Variants in LRTM3 observed in about 807,000 individuals in gnomAD.
The protein encoded by LRTM3 is leucine rich repeat transmembrane protein 3.
chr13:102,735,267 CCTTCT>C, the LRTM3 span: 1 of 1,551,262 alleles, frequency 6.4e-7, no homozygotes, highest in East Asian at 2.4e-5. Context: ...TTTTCTCTAT[CCTTCT>C]CTTCTTTCTG....
the LRTM3 span, chr13:102,735,188 A>G: frequency 1.5e-5 from 24 of 1,551,180 alleles, no homozygotes; most frequent in African/African-American, 3.0e-4. Context: ...GTGCGTATGT[A>G]AGACAGGCGA....
the LRTM3 span, chr13:102,747,726 T>G: frequency 6.4e-7 from 1 of 1,551,222 alleles, no homozygotes. Flanking sequence ...TCTGTAGGTC[T>G]ATCTGTGCTT....
chr13:102,730,677 G>T, the LRTM3 span: 1 of 1,551,868 alleles, frequency 6.4e-7, no homozygotes, highest in Non-Finnish European at 8.7e-7. Context: ...GAAATATGTT[G>T]TTCTAACAGT....
chr13:102,729,461 A>G, the LRTM3 span: 1 of 1,453,136 alleles, frequency 6.9e-7, no homozygotes, highest in Non-Finnish European at 9.1e-7. Flanking sequence ...TCAGCTATGA[A>G]AAACGGTAGT....
At chr13:102,751,355 ACAC>A in the LRTM3 span, among the ~76,000 whole-genome samples, 3 of 112,082 alleles carry the variant, frequency 2.7e-5, no homozygotes, top group Non-Finnish European at 5.7e-5. Flanking sequence ...ACACACACAC[ACAC>A]ACACACACAC....
the LRTM3 span, chr13:102,749,905 C>G: frequency 1.3e-6 from 2 of 1,551,380 alleles, no homozygotes; most frequent in Non-Finnish European, 1.7e-6. Context: ...TGCTCCCTAA[C>G]TTAGTTTTGG....
chr13:102,749,650 C>T, the LRTM3 span: 46 of 1,551,256 alleles, frequency 3.0e-5, no homozygotes, highest in African/African-American at 2.7e-4. Context: ...TAGAAAATGG[C>T]TTCTTCATCA....
the LRTM3 span, chr13:102,737,765 GTC>G: frequency 6.4e-7 from 1 of 1,550,474 alleles, no homozygotes; most frequent in African/African-American, 1.4e-5. Context: ...TTTTTTCCCT[GTC>G]TCTGATGATT....
the LRTM3 span, among the ~76,000 whole-genome samples, chr13:102,753,494 T>TAA: frequency 4.8e-5 from 6 of 124,452 alleles, no homozygotes; most frequent in African/African-American, 1.7e-4. Context: ...AAAGTAAAAT[T>TAA]AAAAAAAAAA....
At chr13:102,732,200 T>C in the LRTM3 span, 1 of 1,551,408 alleles carries the variant, frequency 6.4e-7, no homozygotes, top group Non-Finnish European at 8.7e-7. Flanking sequence ...GATTCTCTTT[T>C]CTCTTTCTAG....
the LRTM3 span, chr13:102,732,761 T>C: frequency 6.4e-7 from 1 of 1,551,378 alleles, no homozygotes; most frequent in Non-Finnish European, 8.7e-7. Context: ...TTTCTCTTCT[T>C]GCAGATGTAA....
the LRTM3 span, chr13:102,740,134 T>C: frequency 3.2e-6 from 5 of 1,548,040 alleles, no homozygotes; most frequent in Non-Finnish European, 3.5e-6. Flanking sequence ...TTTGTGTTTC[T>C]ATCTTCTTCC....
At chr13:102,743,830 TTC>T in the LRTM3 span, 6 of 1,550,338 alleles carry the variant, frequency 3.9e-6, no homozygotes, top group African/African-American at 6.9e-5. Context: ...TGAATATAAT[TTC>T]TTTTTCTGAT....
the LRTM3 span, chr13:102,734,384 T>C: frequency 6.4e-7 from 1 of 1,551,248 alleles, no homozygotes; most frequent in Admixed American, 2.0e-5. Flanking sequence ...CAGTTTAAGG[T>C]TAGATGGCAA....
the LRTM3 span, chr13:102,729,484 G>A: frequency 2.1e-6 from 3 of 1,461,298 alleles, no homozygotes; most frequent in Admixed American, 2.8e-5. Flanking sequence ...GGGACCCCGA[G>A]AGCGACCCCA....
At chr13:102,735,865 A>G in the LRTM3 span, 1 of 1,541,246 alleles carries the variant, frequency 6.5e-7, no homozygotes, top group Non-Finnish European at 8.8e-7. Flanking sequence ...GAGGGAATGA[A>G]GCAGATTTCC....
chr13:102,746,631 C>T, the LRTM3 span: 1 of 1,551,200 alleles, frequency 6.4e-7, no homozygotes. Context: ...GTTGTGAGTG[C>T]AAATGTTACT....
At chr13:102,756,910 C>T in the LRTM3 span, among the ~76,000 whole-genome samples, 2 of 152,068 alleles carry the variant, frequency 1.3e-5, no homozygotes, top group Admixed American at 6.5e-5. Context: ...TCTGTCTAGG[C>T]AGGAAGGGAA....
the LRTM3 span, chr13:102,749,255 G>A: frequency 6.4e-7 from 1 of 1,550,650 alleles, no homozygotes; most frequent in Admixed American, 2.0e-5. Flanking sequence ...TTTACTGTCT[G>A]GTGTTTTTCT....
Sources: gnomAD v4.1 joint callset for allele counts (sites outside exome capture counted in the v4.1 genomes callset) on GRCh38, gnomAD v4.1.1 for gene constraint, MANE v1.5 for transcripts, NCBI Gene and HGNC (gene_info 2026-07-23, HGNC 2026-07-21) for gene names.